PRPF39: variants seen among roughly 807,000 people sequenced by gnomAD.
PRPF39 encodes pre-mRNA-processing factor 39.
In PRPF39, 27 loss-of-function variants were observed where a neutral mutation model predicts 82.1. The ratio of observed to expected loss-of-function variants is 0.33; its 90% confidence interval spans 0.24 to 0.45. PRPF39 has a LOEUF of 0.45. Ranked by LOEUF, PRPF39 falls within the 20% of genes least tolerant of loss-of-function variation. PRPF39 has a pLI of 1.00. For missense variants in PRPF39, 581 were observed against 796.9 expected (o/e 0.73, Z 3.26); for synonymous variants, 261 against 256.4 (o/e 1.02, Z -0.17).
chr14:45,099,215 T>G (rs1204604053), intron 4 of PRPF39, among the ~76,000 whole-genome samples: 1 of 152,170 alleles, frequency 6.6e-6, no homozygotes, highest in Non-Finnish European at 1.5e-5. Flanking sequence ...CATTCTGAGA[T>G]TCTAATGTCC....
chr14:45,112,479 A>G lies in PRPF39; in HGVS notation c.1734A>G (p.Glu578=). Residue 578 remains glutamate, a synonymous_variant, in exon 11 of 14, where the codon GAA becomes GAG. Coordinates refer to ENST00000355765, the MANE Select transcript of PRPF39 (RefSeq NM_017922.4). ...TFSQRKVEFL[E]DFGSDVNKLL... is the part of the protein sequence containing the mutation. ...CTCAGAGAAAAGTGGAATTTCTTGA[A>G]GATTTTGGTTCCGATGTTAATAAGT... 2 of 1,520,688 alleles carry G rather than the reference A, an allele frequency of 1.3e-6. No homozygotes were observed. The highest frequency in any genetic ancestry group is 2.7e-5 in the South Asian group (2 of 75,420). The allele number at this position is 1,520,688 out of a possible 1,614,324, so 94.2% of individuals were successfully genotyped here. A position where few individuals can be genotyped will look rare whatever the true frequency, so the allele number is the denominator to read the frequency against.
intron 11 of PRPF39, among the ~76,000 whole-genome samples, chr14:45,113,912 T>G (rs1191049179): frequency 2.0e-5 from 3 of 152,168 alleles, no homozygotes; most frequent in Non-Finnish European, 4.4e-5. Flanking sequence ...GCTATTGGAA[T>G]TTTGACCAGT....
intron 11 of PRPF39, among the ~76,000 whole-genome samples, chr14:45,113,725 G>A (rs954739510): frequency 6.6e-6 from 1 of 152,176 alleles, no homozygotes; most frequent in Non-Finnish European, 1.5e-5. Context: ...GTTATTACTG[G>A]ATTCTGATAA....
chr14:45,107,967 CCTGTTAT>C (rs1181922912), intron 6 of PRPF39, among the ~76,000 whole-genome samples: 1 of 151,992 alleles, frequency 6.6e-6, no homozygotes, highest in Non-Finnish European at 1.5e-5. Flanking sequence ...AGAAACTGGA[CCTGTTAT>C]CCCTTGACTC....
intron 5 of PRPF39, among the ~76,000 whole-genome samples, chr14:45,103,363 G>A (rs139743756): frequency 0.01 from 1,533 of 152,102 alleles, 21 homozygotes; most frequent in African/African-American, 0.028. Context: ...CGAGTATGAG[G>A]ACTGTGTCTT....
intron 3 of PRPF39, 182 bp downstream of exon 3, chr14:45,096,410 C>T (rs1237800478): frequency 2.8e-5 from 42 of 1,496,590 alleles, no homozygotes; most frequent in Non-Finnish European, 3.6e-5. Context: ...AATATTTTCT[C>T]TCTTTGTTGG....
intron 1 of PRPF39, among the ~76,000 whole-genome samples, chr14:45,092,778 T>C (rs1204571283): frequency 6.6e-6 from 1 of 152,096 alleles, no homozygotes; most frequent in African/African-American, 2.4e-5. Context: ...CTCAGAATCA[T>C]TGTAGTCGGT....
At chr14:45,099,388 C>G (rs1406078452) in intron 4 of PRPF39, among the ~76,000 whole-genome samples, 1 of 151,560 alleles carries the variant, frequency 6.6e-6, no homozygotes, top group African/African-American at 2.4e-5. Context: ...CTTTGTCTGG[C>G]TTTTTGAGGT....
chr14:45,086,069 C>T (rs1883819134), intron 1 of PRPF39, among the ~76,000 whole-genome samples: 1 of 152,046 alleles, frequency 6.6e-6, no homozygotes, highest in East Asian at 1.9e-4. Flanking sequence ...TCAGCCTCCC[C>T]AGTAGCTGGG....
chr14:45,088,933 A>G (rs190959678), intron 1 of PRPF39, among the ~76,000 whole-genome samples: 1 of 152,354 alleles, frequency 6.6e-6, no homozygotes, highest in Non-Finnish European at 1.5e-5. Context: ...AGAAAGGTTC[A>G]AGAAACTGGT....
chr14:45,115,986 A>C lies in PRPF39; in HGVS notation c.*1073A>C. 1 of 509,592 alleles carries C rather than the reference A, an allele frequency of 2.0e-6. No homozygotes were observed. The highest frequency in any genetic ancestry group is 3.6e-6 in the Non-Finnish European group (1 of 280,482). 31.6% of individuals were successfully genotyped at this position (509,592 alleles called of 1,614,324 possible). On this transcript the variant is annotated 3_prime_UTR_variant, in exon 14 of 14. Coordinates refer to ENST00000355765, the MANE Select transcript of PRPF39 (RefSeq NM_017922.4). ...AAAAGTTCTCCTTGACCAGTATTTT[A>C]CACAGCTGTAGGAAAGTATTTTAGA...
rs751763551 is a variant in PRPF39 at position 45,107,464 on chromosome 14, G to A, written c.751G>A (p.Val251Ile). Residue 251 changes from valine to isoleucine, a missense_variant, in exon 6 of 14, where the codon GTA becomes ATA. Physicochemically the swap from Val to Ile is conservative, Grantham distance 29 (BLOSUM62 3). Coordinates refer to ENST00000355765, the MANE Select transcript of PRPF39 (RefSeq NM_017922.4). ...SHHFQRFKEH[V>I]QNNLPRDLLT... Reference sequence around the variant, plus strand: ...GTCTTCCTTTAGATTTAAAGAACATGTACAGAATAATTTGCCTAGAGATCT... The same window carrying A: ...GTCTTCCTTTAGATTTAAAGAACATATACAGAATAATTTGCCTAGAGATCT... 10 of 1,543,824 alleles carry A rather than the reference G, an allele frequency of 6.5e-6. No homozygotes were observed. In the African/African-American group the frequency reaches 1.2e-4, roughly 19 times the overall value.
rs564360808 is a variant in PRPF39, at chr14:45,092,700, A to C, written c.-19-2521A>C. Reference sequence around the variant, plus strand: ...ACTCTCCAGAGTTTACCCACAAACAAGTTTCTGTTTTTCTGAATTATTTAG... The same window carrying C: ...ACTCTCCAGAGTTTACCCACAAACACGTTTCTGTTTTTCTGAATTATTTAG... On this transcript the variant is annotated intron_variant, in intron 1 of 13. Transcript: ENST00000355765. Among the ~76,000 whole-genome samples, 16 of 152,134 alleles carry C rather than the reference A, an allele frequency of 1.1e-4. No homozygotes were observed. In the East Asian group the frequency reaches 2.7e-3, roughly 26 times the overall value.
At chr14:45,095,663 A>G in intron 2 of PRPF39, 100 bp downstream of exon 2, 1 of 1,387,482 alleles carries the variant, frequency 7.2e-7, no homozygotes, top group Non-Finnish European at 9.5e-7. Flanking sequence ...AAATTGACTC[A>G]TAATTTTCAA....
In PRPF39 at chr14:45,102,276, G is replaced by A. The variant is rs72672918; in HGVS notation, c.570-253G>A. Among the ~76,000 whole-genome samples the A allele has an allele frequency of 1.3e-3, 194 of 152,220 alleles. 2 individuals carry two copies. Among genetic ancestry groups the A allele is most frequent in the Non-Finnish European group, 2.3e-3 (159 of 67,998 alleles). On this transcript the variant is annotated intron_variant, in intron 4 of 13. Transcript: ENST00000355765. ...GTCTACTCTTACCTATTTGCAATGT[G>A]TACATTTTGTATTTAATTTTCTATT...
rs752865341 is a variant in PRPF39 at position 45,084,145 on chromosome 14, G to T, written c.-124G>T. 6.1e-4 allele frequency: 93 copies of T among 153,434 alleles called. No homozygotes were observed. Among genetic ancestry groups the T allele is most frequent in the Non-Finnish European group, 8.4e-4 (58 of 68,640 alleles). 9.5% of individuals were successfully genotyped at this position (153,434 alleles called of 1,614,324 possible). On this transcript the variant is annotated 5_prime_UTR_variant, in exon 1 of 14. Transcript: ENST00000355765. ...CCTGGACCAGGCGGCCGTGGCGCGG[G>T]TGGCGGCTGCTGTGCTGGCTGTGGG...
intron 6 of PRPF39, 150 bp downstream of exon 6, chr14:45,107,766 T>C (rs1884580909): frequency 4.1e-6 from 3 of 734,190 alleles, no homozygotes; most frequent in Non-Finnish European, 6.4e-6. Flanking sequence ...CTGTCTATAC[T>C]AAACATACAA....
intron 5 of PRPF39, among the ~76,000 whole-genome samples, chr14:45,106,606 T>C (rs1283400453): frequency 6.6e-6 from 1 of 152,226 alleles, no homozygotes; most frequent in Non-Finnish European, 1.5e-5. Context: ...TCCACATTTC[T>C]TTGTGCAGAG....
intron 11 of PRPF39, 77 bp from the exon 12 acceptor site, chr14:45,114,106 A>T: frequency 1.8e-6 from 2 of 1,106,282 alleles, no homozygotes; most frequent in Non-Finnish European, 2.5e-6. Flanking sequence ...GCAGTTTCCT[A>T]AGTAAAAACA....
Sources: gnomAD v4.1 joint callset for allele counts (sites outside exome capture counted in the v4.1 genomes callset) on GRCh38, gnomAD v4.1.1 for gene constraint, MANE v1.5 for transcripts, NCBI Gene and HGNC (gene_info 2026-07-23, HGNC 2026-07-21) for gene names.